Variants in FOXN3 observed in about 807,000 individuals in gnomAD.
FOXN3 encodes the protein forkhead box protein N3.
Under a neutral mutation model 38.4 loss-of-function variants are expected in FOXN3, and 7 were observed. The observed-to-expected ratio is 0.18, with a 90% CI of 0.10 to 0.34. FOXN3 has a LOEUF of 0.34. FOXN3 is among the 10% of genes least tolerant of loss of function. FOXN3 has a pLI of 1.00. For synonymous variants in FOXN3, 230 were observed against 242.2 expected (o/e 0.95, Z 0.47); for missense variants, 456 against 613.4 (o/e 0.74, Z 2.71).
Position 89,346,058 on chromosome 14 carries a change from T to G in FOXN3, c.680+4614A>C, listed in dbSNP as rs555052299. Among the ~76,000 whole-genome samples the G allele has an allele frequency of 4.3e-3, 650 of 152,186 alleles. 10 individuals carry two copies. The highest frequency in any genetic ancestry group is 0.015 in the African/African-American group (610 of 41,542). The stretch of plus-strand genomic sequence containing the variant: ...CAGAGTGAGACCCTGTCTCAAAAAA[T>G]AAAAGAAAAGAATAATGGCCTCCAG... On this transcript the variant is annotated intron_variant, in intron 3 of 5. Transcript: ENST00000557258.
At chr14:89,336,314 C>G (rs1181544824) in intron 3 of FOXN3, among the ~76,000 whole-genome samples, 3 of 152,060 alleles carry the variant, frequency 2.0e-5, no homozygotes, top group Non-Finnish European at 4.4e-5. Context: ...TTCCATGGCT[C>G]TCCCTCTAAT....
chr14:89,560,905 G>A (rs551788940), intron 1 of FOXN3, among the ~76,000 whole-genome samples: 20 of 152,312 alleles, frequency 1.3e-4, no homozygotes, highest in Admixed American at 1.1e-3. Flanking sequence ...CCCAGTAGAG[G>A]TGCTCCAGGT....
chr14:89,500,033 A>G (rs1011088430), intron 1 of FOXN3, among the ~76,000 whole-genome samples: 3 of 151,916 alleles, frequency 2.0e-5, no homozygotes, highest in African/African-American at 7.3e-5. Flanking sequence ...TTGTATTTTT[A>G]GTAGAGATGG....
At chr14:89,261,655 C>T (rs1279951941) in intron 4 of FOXN3, among the ~76,000 whole-genome samples, 5 of 151,794 alleles carry the variant, frequency 3.3e-5, no homozygotes, top group African/African-American at 4.8e-5. Flanking sequence ...TTAGGCCAGG[C>T]GTGGTGGCTC....
chr14:89,222,957 CAG>C (rs1884514921), intron 4 of FOXN3, among the ~76,000 whole-genome samples: 1 of 151,824 alleles, frequency 6.6e-6, no homozygotes, highest in African/African-American at 2.4e-5. Context: ...TAAACAGAGA[CAG>C]GGTCTCACTA....
chr14:89,360,790 C>G (rs1216979763), intron 2 of FOXN3, among the ~76,000 whole-genome samples: 998 of 66,564 alleles, frequency 0.015, 18 homozygotes, highest in Admixed American at 0.038. Flanking sequence ...ACCACCTCCA[C>G]CACCACCACC....
intron 2 of FOXN3, chr14:89,409,183 C>T (rs927866907): frequency 6.6e-6 from 1 of 152,266 alleles, no homozygotes; most frequent in African/African-American, 2.4e-5. Context: ...TGATCAGAAA[C>T]ATGTCAACAC....
chr14:89,206,068 G>A (rs1359315759), intron 4 of FOXN3, among the ~76,000 whole-genome samples: 8 of 152,202 alleles, frequency 5.3e-5, no homozygotes, highest in South Asian at 2.1e-4. Flanking sequence ...CATCAGACGC[G>A]GAATCTGCTG....
chr14:89,444,682 C>A (rs1280387050), intron 1 of FOXN3, among the ~76,000 whole-genome samples: 1 of 152,182 alleles, frequency 6.6e-6, no homozygotes, highest in Non-Finnish European at 1.5e-5. Flanking sequence ...CTTCCTAAGT[C>A]TCTATATTCC....
chr14:89,275,029 T>TGTC (rs2139909251), intron 4 of FOXN3, among the ~76,000 whole-genome samples: 1 of 152,322 alleles, frequency 6.6e-6, no homozygotes, highest in South Asian at 2.1e-4. Context: ...TAGCATGAAC[T>TGTC]GTCCTATGTG....
At chr14:89,297,318 T>G (rs989760450) in intron 3 of FOXN3, among the ~76,000 whole-genome samples, 1 of 151,596 alleles carries the variant, frequency 6.6e-6, no homozygotes, top group Non-Finnish European at 1.5e-5. Flanking sequence ...ATCCCAACAC[T>G]TTGGGAAGCC....
rs533932252 is a variant in FOXN3, at chr14:89,546,620, C to T, written c.-15+72408G>A. On this transcript the variant is annotated intron_variant, in intron 1 of 6. Transcript: ENST00000345097. ...CTGGGATTACAGGTGTGAGCCACTG[C>T]ACCCGGCCCCAATAGCTTCTTTTCT... is the stretch of plus-strand genomic sequence containing the variant. 4.0e-5 allele frequency among the ~76,000 whole-genome samples: 6 copies of T among 151,632 alleles called. No homozygotes were observed. The South Asian group carries it at 8.4e-4, about 21-fold the overall frequency.
chr14:89,163,117 A>G lies in FOXN3; in HGVS notation c.852-148T>C. The G allele has an allele frequency of 2.9e-6, 2 of 687,644 alleles. No homozygotes were observed. Among genetic ancestry groups the G allele is most frequent in the East Asian group, 2.9e-5 (1 of 34,536 alleles). 42.6% of individuals were successfully genotyped at this position (687,644 alleles called of 1,614,324 possible). On this transcript the variant is annotated intron_variant, in intron 5 of 5. Transcript: ENST00000557258. The surrounding 1 kb of genome is among the most constrained non-coding windows in gnomAD (Gnocchi z 4.3). ...GCCACTCGCAAACTGTGGGGGCAAC[A>G]GGTGGATCTGCTTTGAAGGCAGGGT...
upstream of FOXN3, chr14:89,417,647 T>A (rs1017761404): frequency 2.2e-6 from 1 of 455,392 alleles, no homozygotes; most frequent in Admixed American, 2.4e-5. Context: ...ATGCCTTACA[T>A]GGCTCGAAAG....
intron 1 of FOXN3, among the ~76,000 whole-genome samples, chr14:89,497,406 T>C (rs1455751693): frequency 3.9e-3 from 1 of 254 alleles, no homozygotes; most frequent in Non-Finnish European, 0.011. Context: ...ATAAATATCT[T>C]TTTTTTTTTT....
intron 1 of FOXN3, among the ~76,000 whole-genome samples, chr14:89,443,245 T>C (rs979790244): frequency 2.1e-4 from 32 of 152,234 alleles, no homozygotes; most frequent in African/African-American, 7.0e-4. Flanking sequence ...AAACTGGCTA[T>C]TTGTTTTCTG....
intron 3 of FOXN3, among the ~76,000 whole-genome samples, chr14:89,292,118 GC>G (rs1886893070): frequency 6.6e-6 from 1 of 152,012 alleles, no homozygotes; most frequent in South Asian, 2.1e-4. Flanking sequence ...CCGTTCGCTG[GC>G]TCCATTATTT....
intron 3 of FOXN3, among the ~76,000 whole-genome samples, chr14:89,320,903 C>T (rs1023207983): frequency 4.6e-5 from 7 of 152,214 alleles, no homozygotes; most frequent in African/African-American, 1.4e-4. Flanking sequence ...GCGCGATTCT[C>T]ACCCAGCTGA....
intron 4 of FOXN3, among the ~76,000 whole-genome samples, chr14:89,270,580 GTGGCAGAGGC>G (rs1223079644): frequency 1.3e-5 from 2 of 152,190 alleles, no homozygotes; most frequent in East Asian, 1.9e-4. Flanking sequence ...CAGCTGGTGG[GTGGCAGAGGC>G]TGGCCTTTGA....
Sources: gnomAD v4.1 joint callset for allele counts (sites outside exome capture counted in the v4.1 genomes callset) on GRCh38, gnomAD v4.1.1 for gene constraint, Gnocchi (gnomAD v3.1) non-coding constraint, MANE v1.5 for transcripts, NCBI Gene and HGNC (gene_info 2026-07-23, HGNC 2026-07-21) for gene names.